The following EXOC1 variants were observed in gnomAD, a reference collection of about 807,000 sequenced individuals.
EXOC1 encodes exocyst complex component 1, also known as SEC3-like 1.
EXOC1 carries 67 observed loss-of-function variants against 107.7 expected under a neutral mutation model. That is an observed-to-expected ratio of 0.62 (90% CI 0.51 to 0.76). The LOEUF (loss-of-function observed/expected upper bound fraction) is 0.76, where lower values mean the gene tolerates loss of function less well. Among genes scored for constraint, EXOC1 ranks in the 30% least tolerant of loss-of-function variants. The pLI is 0.00. For synonymous variants in EXOC1, 348 were observed against 353.5 expected, an observed-to-expected ratio of 0.98 and a Z score of 0.17; for missense variants, 833 against 1,055.7, an observed-to-expected ratio of 0.79 and a Z score of 2.92.
intron 10 of EXOC1, among the ~76,000 whole-genome samples, chr4:55,887,629 C>T (rs948650610): frequency 4.0e-5 from 6 of 151,010 alleles, no homozygotes; most frequent in African/African-American, 7.3e-5. Flanking sequence ...TGGTGATCCA[C>T]ATCTATAATC....
At chr4:55,896,009 A>G (rs1461268839) in intron 15 of EXOC1, among the ~76,000 whole-genome samples, 1 of 152,196 alleles carries the variant, frequency 6.6e-6, no homozygotes, top group African/African-American at 2.4e-5. Flanking sequence ...GAGGGATCCT[A>G]TAGGTGCTCT....
intron 9 of EXOC1, 62 bp downstream of exon 9, chr4:55,878,128 C>A: frequency 1.3e-6 from 2 of 1,556,654 alleles, no homozygotes; most frequent in South Asian, 2.4e-5. Flanking sequence ...ATTAAGAGGT[C>A]ATGTGTTCAG....
At position 55,891,435 on chromosome 4, in the gene EXOC1, G is replaced by A. The variant is rs1335369558; in HGVS notation, c.1647+13G>A. ...GCCTGGAACTATGGTATGGCTCACAGTGTATTTTGGATAGTATTTATGATC... is the reference window on the plus strand; with the variant it reads ...GCCTGGAACTATGGTATGGCTCACAATGTATTTTGGATAGTATTTATGATC... On this transcript the variant is annotated intron_variant, in intron 13 of 18. Coordinates refer to ENST00000381295, the MANE Select transcript of EXOC1 (RefSeq NM_001024924.2). The A allele has an allele frequency of 6.6e-7, 1 of 1,508,086 alleles. No homozygotes were observed. The highest frequency in any genetic ancestry group is 9.2e-7 in the Non-Finnish European group (1 of 1,083,770). 93.4% of individuals were successfully genotyped at this position (1,508,086 alleles called of 1,614,324 possible). A position where few individuals can be genotyped will look rare whatever the true frequency, so the allele number is the denominator to read the frequency against.
At chr4:55,902,111 A>G (rs1358242314) in intron 17 of EXOC1, 1 of 302,896 alleles carries the variant, frequency 3.3e-6, no homozygotes, top group African/African-American at 2.2e-5. Context: ...AAAGTGGGAC[A>G]TGAAATTTTA....
rs535273818 is a variant in EXOC1, at chr4:55,856,063, AC to A, written c.-11+2111del. On this transcript the variant is annotated intron_variant, in intron 1 of 18. Transcript: ENST00000381295. ...TGAAGGAGAGTAATAAGGATTTACAACAATAGTCATGGGGAACGGAAAAAGG... is the reference window on the plus strand; with the variant it reads ...TGAAGGAGAGTAATAAGGATTTACAAAATAGTCATGGGGAACGGAAAAAGG... Among the ~76,000 whole-genome samples the A allele has an allele frequency of 1.5e-3, 228 of 152,340 alleles. 1 individual carries two copies. Among genetic ancestry groups the A allele is most frequent in the African/African-American group, 5.3e-3 (222 of 41,582 alleles).
intron 4 of EXOC1, among the ~76,000 whole-genome samples, chr4:55,865,130 G>A (rs1721838018): frequency 6.6e-6 from 1 of 152,136 alleles, no homozygotes; most frequent in Non-Finnish European, 1.5e-5. Context: ...TAAGTGCTCA[G>A]TAAATATTAG....
chr4:55,901,163 T>TA lies in EXOC1; in HGVS notation c.2338-1178dup, dbSNP rs537001805. Among the ~76,000 whole-genome samples, 471 of 152,228 alleles carry TA rather than the reference T, an allele frequency of 3.1e-3. 1 individual carries two copies. Among genetic ancestry groups the TA allele is most frequent in the African/African-American group, 0.011 (453 of 41,544 alleles). On this transcript the variant is annotated intron_variant, in intron 17 of 18. Coordinates refer to ENST00000381295, the MANE Select transcript of EXOC1 (RefSeq NM_001024924.2). Reference sequence around the variant, plus strand: ...AGCCAGTTCAACAAGACCTGAAACATAAATAAGAGATATGGAAAACAGAGA... The same window carrying TA: ...AGCCAGTTCAACAAGACCTGAAACATAAAATAAGAGATATGGAAAACAGAGA...
At chr4:55,856,829 T>C (rs1721012699) in intron 1 of EXOC1, among the ~76,000 whole-genome samples, 1 of 152,224 alleles carries the variant, frequency 6.6e-6, no homozygotes, top group Admixed American at 6.5e-5. Flanking sequence ...ATTGAGATTA[T>C]GTATCATAAA....
In EXOC1 at chr4:55,870,918, A is replaced by G. The variant is rs375609735; in HGVS notation, c.831+13A>G. 3 of 1,585,604 alleles carry G rather than the reference A, an allele frequency of 1.9e-6. No individual in the cohort carries two copies. The highest frequency in any genetic ancestry group is 2.6e-6 in the Non-Finnish European group (3 of 1,166,078). On this transcript the variant is annotated intron_variant, in intron 6 of 18. Coordinates refer to ENST00000381295, the MANE Select transcript of EXOC1 (RefSeq NM_001024924.2). ...AGAGTTCCTTGTGGTAAGTATGATC[A>G]TAAATTACCAACAAAAAAAAACTAG...
chr4:55,871,774 C>G, intron 7 of EXOC1, 75 bp from the exon 8 acceptor site: 1 of 1,307,092 alleles, frequency 7.7e-7, no homozygotes, highest in Non-Finnish European at 1.1e-6. Context: ...ACGTTAGATA[C>G]GTTTAATGTT....
intron 7 of EXOC1, among the ~76,000 whole-genome samples, chr4:55,871,587 C>A (rs1340829593): frequency 6.6e-6 from 1 of 152,098 alleles, no homozygotes; most frequent in Non-Finnish European, 1.5e-5. Flanking sequence ...GATTGCCTGG[C>A]CCCAGTCCCA....
chr4:55,877,406 G>A, intron 8 of EXOC1: 1 of 985,398 alleles, frequency 1.0e-6, no homozygotes, highest in Non-Finnish European at 1.2e-6. Flanking sequence ...CTCCAAGACA[G>A]AAGTAAGACT....
At chr4:55,888,818 C>T in intron 10 of EXOC1, 70 bp from the exon 11 acceptor site, 1 of 1,495,356 alleles carries the variant, frequency 6.7e-7, no homozygotes, top group South Asian at 1.1e-5. Flanking sequence ...TCCTCTTGTG[C>T]ATGGTTTGTG....
chr4:55,854,369 AAAC>A (rs1720761036), intron 1 of EXOC1, among the ~76,000 whole-genome samples: 1 of 152,176 alleles, frequency 6.6e-6, no homozygotes, highest in South Asian at 2.1e-4. Context: ...GAGCTGAAGG[AAAC>A]AACCAGTACA....
At chr4:55,863,752 A>G (rs955990480) in intron 3 of EXOC1, among the ~76,000 whole-genome samples, 1 of 152,252 alleles carries the variant, frequency 6.6e-6, no homozygotes, top group Non-Finnish European at 1.5e-5. Flanking sequence ...ACACCAGGAT[A>G]TACATTGCAT....
At position 55,888,879 on chromosome 4, in the gene EXOC1, C is replaced by G. The variant is rs1465958134; in HGVS notation, c.1331-9C>G. 6.2e-7 allele frequency: 1 copy of G among 1,613,452 alleles called. No individual in the cohort carries two copies. The highest frequency in any genetic ancestry group is 2.2e-5 in the East Asian group (1 of 44,770). On this transcript the variant is annotated splice_polypyrimidine_tract_variant and intron_variant, in intron 10 of 18. Coordinates refer to ENST00000381295, the MANE Select transcript of EXOC1 (RefSeq NM_001024924.2). ...TTGTCTTTGATGCTTGCAACCTAAT[C>G]CATCACAGCTACACTGCCTCGAAAA...
chr4:55,873,779 C>A (rs2110340895), intron 8 of EXOC1, among the ~76,000 whole-genome samples: 1 of 152,188 alleles, frequency 6.6e-6, no homozygotes, highest in African/African-American at 2.4e-5. Context: ...GGTCACCTAG[C>A]AAAATTGTTG....
chr4:55,866,988 G>A (rs1648955984), intron 4 of EXOC1: 4 of 630,398 alleles, frequency 6.3e-6, no homozygotes, highest in Non-Finnish European at 5.9e-6. Flanking sequence ...GATGTACTGG[G>A]ACAAATTTAT....
intron 4 of EXOC1, chr4:55,866,834 T>A: frequency 2.0e-6 from 2 of 984,156 alleles, no homozygotes; most frequent in Non-Finnish European, 1.2e-6. Flanking sequence ...ATTCTTTGCT[T>A]ACTTTCCTCT....
Sources: allele counts gnomAD v4.1 joint callset (sites outside exome capture counted in the v4.1 genomes callset), GRCh38; gene constraint gnomAD v4.1.1; transcripts MANE v1.5; gene names NCBI Gene and HGNC (gene_info 2026-07-23, HGNC 2026-07-21).